Variants in AKR1D1 observed in about 807,000 individuals in gnomAD.
AKR1D1 encodes delta(4)-3-ketosteroid 5-beta-reductase.
AKR1D1 carries 32 observed loss-of-function variants against 42.6 expected under a neutral mutation model. The ratio of observed to expected loss-of-function variants is 0.75; its 90% CI spans 0.57 to 1.01. The LOEUF is 1.01. Ranked by LOEUF, AKR1D1 falls within the 50% of genes least tolerant of loss-of-function variation. AKR1D1 has a pLI of 0.00. For missense variants in AKR1D1, 364 were observed against 402.2 expected (o/e 0.91, Z 0.81); for synonymous variants, 123 against 135.5 (o/e 0.91, Z 0.64).
Position 138,116,641 on chromosome 7 carries a change from C to G in AKR1D1, c.960C>G (p.Tyr320Ter), listed in dbSNP as rs777849387. The change falls in exon 9 of 9, where the codon TAC (tyrosine) becomes TAG (stop). Residue 320 changes from tyrosine to a stop codon, truncating the protein, a stop_gained. Transcript: ENST00000242375. LOFTEE classifies it high-confidence loss of function. ...GCAGGTGGCGCGATCATCCTGAATA[C>G]CCATTTCATGATGAATACTGACTGC... Reference protein sequence around the residue: ...ELLMWRDHPEYPFHDEY With the variant: ...ELLMWRDHPE 1 of 1,613,996 alleles carries G rather than the reference C, an allele frequency of 6.2e-7. No individual in the cohort carries two copies.
intron 1 of AKR1D1, among the ~76,000 whole-genome samples, chr7:138,085,054 CAAAAAA>C (rs58253168): frequency 1.4e-5 from 1 of 70,836 alleles, no homozygotes; most frequent in Non-Finnish European, 2.4e-5. Context: ...GACTCCGTCT[CAAAAAA>C]AAAAAAAAAA....
intron 7 of AKR1D1, among the ~76,000 whole-genome samples, chr7:138,109,380 C>A (rs575875520): frequency 1.5e-4 from 23 of 152,306 alleles, no homozygotes; most frequent in African/African-American, 5.3e-4. Context: ...TCTCTCCACC[C>A]ACATGGTGGC....
chr7:138,079,022 G>A (rs1312146535), intron 1 of AKR1D1, among the ~76,000 whole-genome samples: 1 of 152,098 alleles, frequency 6.6e-6, no homozygotes, highest in African/African-American at 2.4e-5. Flanking sequence ...ATTAGAGGCA[G>A]GTTTTTGCTA....
chr7:138,116,004 G>A (rs1332270165), intron 8 of AKR1D1, among the ~76,000 whole-genome samples: 3 of 152,058 alleles, frequency 2.0e-5, no homozygotes, highest in African/African-American at 4.8e-5. Flanking sequence ...GAGACAGGGC[G>A]ACTGCTTCAG....
intron 4 of AKR1D1, among the ~76,000 whole-genome samples, chr7:138,101,030 TATC>T (rs1410248408): frequency 6.6e-6 from 1 of 151,380 alleles, no homozygotes; most frequent in Non-Finnish European, 1.5e-5. Context: ...ATTAAAATGA[TATC>T]ATACTAAAAT....
rs1793987857 is a variant in AKR1D1, at chr7:138,088,667, G to A, written c.160G>A (p.Gly54Arg). 6.2e-7 allele frequency: 1 copy of A among 1,614,052 alleles called. No individual in the cohort carries two copies. The highest frequency in any genetic ancestry group is 1.3e-5 in the African/African-American group (1 of 75,008). Residue 54 changes from glycine to arginine, a missense_variant, in exon 2 of 9, where the codon GGG (glycine) becomes AGG (arginine). Gly to Arg is a moderately radical substitution (Grantham distance 125). Coordinates refer to ENST00000242375, the MANE Select transcript of AKR1D1 (RefSeq NM_005989.4). ...AIDTGYRHID[G>R]AYIYQNEHEV... is the part of the protein sequence containing the mutation. ...TGACACAGGGTACCGACATATTGAT[G>A]GGGCCTACATCTACCAAAATGAACA...
At chr7:138,087,586 T>G (rs1793958038) in intron 1 of AKR1D1, among the ~76,000 whole-genome samples, 1 of 152,198 alleles carries the variant, frequency 6.6e-6, no homozygotes, top group African/African-American at 2.4e-5. Context: ...GTATACAATT[T>G]GAAGAGTATG....
chr7:138,087,432 T>C (rs1793954390), intron 1 of AKR1D1, among the ~76,000 whole-genome samples: 2 of 152,236 alleles, frequency 1.3e-5, no homozygotes, highest in Admixed American at 1.3e-4. Flanking sequence ...TTCTTATGTT[T>C]AACGTGAGTT....
intron 4 of AKR1D1, among the ~76,000 whole-genome samples, chr7:138,100,344 C>T (rs1349117598): frequency 6.6e-6 from 1 of 151,708 alleles, no homozygotes; most frequent in Non-Finnish European, 1.5e-5. Flanking sequence ...AATTAAAAGG[C>T]ATAGATTATC....
rs1008563334 is a variant in AKR1D1 at position 138,117,904 on chromosome 7, A to C, written c.*1242A>C. ...CGCGGTGGCGGGGGCCTGTAATCCCAGCTACTCAGGAGGCTGAGGCAGAAG... is the reference window on the plus strand; with the variant it reads ...CGCGGTGGCGGGGGCCTGTAATCCCCGCTACTCAGGAGGCTGAGGCAGAAG... On this transcript the variant is annotated 3_prime_UTR_variant, in exon 9 of 9. Coordinates refer to ENST00000242375, the MANE Select transcript of AKR1D1 (RefSeq NM_005989.4). The C allele has an allele frequency of 2.6e-5, 4 of 152,256 alleles. No homozygotes were observed. The highest frequency in any genetic ancestry group is 9.6e-5 in the African/African-American group (4 of 41,456). 9.4% of individuals were successfully genotyped at this position (152,256 alleles called of 1,614,324 possible). A position where few individuals can be genotyped will look rare whatever the true frequency, so the allele number is the denominator to read the frequency against.
At chr7:138,083,193 C>G (rs1803093770) in intron 1 of AKR1D1, among the ~76,000 whole-genome samples, 1 of 152,184 alleles carries the variant, frequency 6.6e-6, no homozygotes, top group South Asian at 2.1e-4. Flanking sequence ...TCTCTACATC[C>G]TCACCAATAA....
chr7:138,077,490 C>A (rs902487890), intron 1 of AKR1D1, among the ~76,000 whole-genome samples: 2 of 152,094 alleles, frequency 1.3e-5, no homozygotes, highest in African/African-American at 2.4e-5. Flanking sequence ...ATAATGGGAA[C>A]TACAATTCAA....
At chr7:138,099,965 C>A (rs1465678996) in intron 4 of AKR1D1, among the ~76,000 whole-genome samples, 2 of 150,666 alleles carry the variant, frequency 1.3e-5, no homozygotes, top group East Asian at 3.9e-4. Context: ...GTAGTCCCAG[C>A]TACTTGGAAT....
Position 138,090,646 on chromosome 7 carries a change from A to G in AKR1D1, c.262-1122A>G, listed in dbSNP as rs547918768. Reference sequence around the variant, plus strand: ...AGCAAGACCCCGTCTCAAAAAAAAAAAAAAAAGAAAAAAGAAAAGTATGAT... The same window carrying G: ...AGCAAGACCCCGTCTCAAAAAAAAAGAAAAAAGAAAAAAGAAAAGTATGAT... On this transcript the variant is annotated intron_variant, in intron 2 of 8. Transcript: ENST00000242375. Among the ~76,000 whole-genome samples the G allele has an allele frequency of 3.2e-3, 480 of 151,880 alleles. 1 individual carries two copies. Among genetic ancestry groups the G allele is most frequent in the Admixed American group, 3.6e-3 (55 of 15,262 alleles).
intron 4 of AKR1D1, among the ~76,000 whole-genome samples, chr7:138,101,631 T>C (rs959007284): frequency 1.3e-5 from 2 of 152,204 alleles, no homozygotes; most frequent in African/African-American, 4.8e-5. Context: ...AATTAAAATC[T>C]TTATCTAGAT....
chr7:138,095,905 A>G (rs1450676130), intron 3 of AKR1D1, among the ~76,000 whole-genome samples: 1 of 151,914 alleles, frequency 6.6e-6, no homozygotes, highest in Non-Finnish European at 1.5e-5. Context: ...GTGCTGCTAT[A>G]AAAGCATGCC....
At chr7:138,078,633 T>A (rs550913227) in intron 1 of AKR1D1, among the ~76,000 whole-genome samples, 11 of 152,332 alleles carry the variant, frequency 7.2e-5, no homozygotes, top group African/African-American at 2.2e-4. Flanking sequence ...ATATTCTCTA[T>A]TGTTTGTTAT....
At chr7:138,107,673 C>T (rs895321481) in intron 7 of AKR1D1, 93 bp downstream of exon 7, 29 of 1,389,636 alleles carry the variant, frequency 2.1e-5, no homozygotes, top group East Asian at 4.6e-5. Flanking sequence ...AAACCTGTAA[C>T]ACTCTCATAT....
At chr7:138,080,980 G>T (rs547165214) in intron 1 of AKR1D1, among the ~76,000 whole-genome samples, 1 of 151,768 alleles carries the variant, frequency 6.6e-6, no homozygotes, top group South Asian at 2.1e-4. Flanking sequence ...GTCTACAGAG[G>T]ACAGCCGTAA....
Sources: allele counts gnomAD v4.1 joint callset (sites outside exome capture counted in the v4.1 genomes callset), GRCh38; gene constraint gnomAD v4.1.1; transcripts MANE v1.5; gene names NCBI Gene and HGNC (gene_info 2026-07-23, HGNC 2026-07-21).